The following HTR4 variants were observed in gnomAD, a reference collection of about 807,000 sequenced individuals.
HTR4 encodes the protein 5-hydroxytryptamine receptor 4, also known as 5-hydroxytryptamine (serotonin) receptor 4, G protein-coupled.
Under a neutral mutation model 36.8 loss-of-function variants are expected in HTR4, and 16 were observed. That is an observed-to-expected ratio of 0.43 (90% CI 0.29 to 0.66). The LOEUF (loss-of-function observed/expected upper bound fraction) is 0.66, where lower values mean the gene tolerates loss of function less well. Ranked by LOEUF, HTR4 falls within the 30% of genes least tolerant of loss-of-function variation. HTR4 has a pLI of 0.13. For synonymous variants in HTR4, 189 were observed against 185.1 expected (o/e 1.02, Z -0.17); for missense variants, 438 against 490.9 (o/e 0.89, Z 1.02).
At chr5:148,578,159 A>T (rs567654527) in intron 2 of HTR4, among the ~76,000 whole-genome samples, 10 of 151,978 alleles carry the variant, frequency 6.6e-5, no homozygotes, top group Non-Finnish European at 1.3e-4. Context: ...GGAGACAATT[A>T]CCTCTGTGAG....
chr5:148,614,144 C>T (rs1408292781), intron 2 of HTR4, among the ~76,000 whole-genome samples: 1 of 152,192 alleles, frequency 6.6e-6, no homozygotes, highest in Non-Finnish European at 1.5e-5. Flanking sequence ...CCCCATCAAG[C>T]TACCAATGCC....
intron 6 of HTR4, among the ~76,000 whole-genome samples, chr5:148,499,951 G>C (rs756033785): frequency 7.9e-5 from 12 of 152,042 alleles, no homozygotes; most frequent in Non-Finnish European, 1.5e-4. Flanking sequence ...ATGAGTAAAA[G>C]CTTCCTGAGG....
chr5:148,628,716 C>T (rs1024166101), intron 2 of HTR4: 11 of 152,110 alleles, frequency 7.2e-5, no homozygotes, highest in African/African-American at 2.4e-4. Flanking sequence ...ATATTTATTT[C>T]TTTATTTACA....
intron 6 of HTR4, among the ~76,000 whole-genome samples, chr5:148,492,593 C>T (rs952656602): frequency 6.6e-6 from 1 of 152,166 alleles, no homozygotes; most frequent in African/African-American, 2.4e-5. Context: ...ATGAATGATG[C>T]TATGCAAATA....
chr5:148,551,906 C>T (rs1285453415), intron 2 of HTR4, among the ~76,000 whole-genome samples: 5 of 152,166 alleles, frequency 3.3e-5, no homozygotes, highest in African/African-American at 4.8e-5. Context: ...TATGGGAAAA[C>T]CAGGGCCCAG....
Position 148,509,526 on chromosome 5 carries a change from T to G in HTR4, c.1006A>C (p.Arg336=). 3.1e-6 allele frequency: 5 copies of G among 1,614,028 alleles called. No individual in the cohort carries two copies. The highest frequency in any genetic ancestry group is 4.2e-6 in the Non-Finnish European group (5 of 1,179,968). ...ILCCDDERYR[R]PSILGQTVPC... is the part of the protein sequence containing the mutation. ...ACAGTCTGGCCCAGAATGGAAGGTC[T>G]TCGGTAGCGCTCATCATCACAGCAG... The change falls in exon 6 of 7, where the codon AGA becomes CGA. Residue 336 remains arginine (R), a synonymous_variant. Coordinates refer to ENST00000377888, the MANE Select transcript of HTR4 (RefSeq NM_000870.7).
chr5:148,518,315 T>C (rs1757857023), intron 5 of HTR4, among the ~76,000 whole-genome samples: 1 of 152,154 alleles, frequency 6.6e-6, no homozygotes, highest in Non-Finnish European at 1.5e-5. Context: ...AGGATGTGGG[T>C]CATTGTCTAT....
At chr5:148,509,130 T>C (rs966592377) in intron 6 of HTR4, among the ~76,000 whole-genome samples, 9 of 152,228 alleles carry the variant, frequency 5.9e-5, no homozygotes, top group Non-Finnish European at 1.3e-4. Flanking sequence ...ACTAGCTAAT[T>C]TGATTCTCAT....
At chr5:148,503,347 T>A (rs1561581952) in intron 6 of HTR4, among the ~76,000 whole-genome samples, 1 of 152,134 alleles carries the variant, frequency 6.6e-6, no homozygotes. Context: ...TCAACATTCT[T>A]AGAGAAAAGA....
chr5:148,509,791 G>T lies in HTR4; in HGVS notation c.741C>A (p.Ser247Arg), dbSNP rs199581985. The change falls in exon 6 of 7, where the codon AGC becomes AGA. Residue 247 changes from serine to arginine, a missense_variant. By Grantham distance (110) the Ser-to-Arg change is moderately radical. Coordinates refer to ENST00000377888, the MANE Select transcript of HTR4 (RefSeq NM_000870.7). Reference sequence around the variant, plus strand: ...TGGTCTCTGTCCTCATGCGATGAGTGCTATGCTGGTCTGCCGACTGAGGCC... The same window carrying T: ...TGGTCTCTGTCCTCATGCGATGAGTTCTATGCTGGTCTGCCGACTGAGGCC... ...ESRPQSADQH[S>R]THRMRTETKA... 3.1e-6 allele frequency: 5 copies of T among 1,613,910 alleles called. No individual in the cohort carries two copies. The highest frequency in any genetic ancestry group is 1.3e-5 in the African/African-American group (1 of 74,898).
At chr5:148,575,904 A>T (rs945495669) in intron 2 of HTR4, among the ~76,000 whole-genome samples, 2 of 151,902 alleles carry the variant, frequency 1.3e-5, no homozygotes, top group African/African-American at 4.8e-5. Flanking sequence ...CAAGACAAAG[A>T]AATAAAGAAC....
chr5:148,489,945 G>A (rs1467476183), intron 6 of HTR4, among the ~76,000 whole-genome samples: 7 of 151,978 alleles, frequency 4.6e-5, no homozygotes, highest in South Asian at 2.1e-4. Context: ...TGATAAACAC[G>A]AAGCAGCTTC....
At chr5:148,630,583 G>C (rs1001923996) in intron 2 of HTR4, among the ~76,000 whole-genome samples, 9 of 152,194 alleles carry the variant, frequency 5.9e-5, no homozygotes, top group African/African-American at 1.9e-4. Context: ...TTTAATAACT[G>C]ATCATTAAGG....
intron 2 of HTR4, among the ~76,000 whole-genome samples, chr5:148,595,622 T>C (rs1274109279): frequency 6.6e-6 from 1 of 152,188 alleles, no homozygotes; most frequent in Admixed American, 6.5e-5. Context: ...TTTTAATTTA[T>C]ATATTATATT....
At chr5:148,506,647 A>G (rs1447419307) in intron 6 of HTR4, among the ~76,000 whole-genome samples, 1 of 152,226 alleles carries the variant, frequency 6.6e-6, no homozygotes, top group African/African-American at 2.4e-5. Context: ...TAATATCCAG[A>G]ATCTACAAAG....
At chr5:148,643,107 G>A (rs1033874893) in intron 1 of HTR4, among the ~76,000 whole-genome samples, 3 of 152,000 alleles carry the variant, frequency 2.0e-5, no homozygotes, top group Non-Finnish European at 2.9e-5. Context: ...TATCCAATAC[G>A]GACGCCAATT....
At chr5:148,520,916 A>T in intron 5 of HTR4, 1 of 1,367,804 alleles carries the variant, frequency 7.3e-7, no homozygotes, top group Non-Finnish European at 9.8e-7. Context: ...ACTTGTTCTG[A>T]CATACCGCAT....
intron 2 of HTR4, among the ~76,000 whole-genome samples, chr5:148,621,342 C>T (rs894429448): frequency 6.6e-6 from 1 of 152,186 alleles, no homozygotes; most frequent in Admixed American, 6.5e-5. Flanking sequence ...CGCCAACCAG[C>T]ACAATTGGAT....
intron 2 of HTR4, chr5:148,630,429 G>T (rs977151739): frequency 6.6e-6 from 1 of 152,064 alleles, no homozygotes; most frequent in Admixed American, 6.5e-5. Flanking sequence ...AAGAGAAAAT[G>T]GTGCTAAATA....
Sources: allele counts gnomAD v4.1 joint callset (sites outside exome capture counted in the v4.1 genomes callset), GRCh38; gene constraint gnomAD v4.1.1; transcripts MANE v1.5; gene names NCBI Gene and HGNC (gene_info 2026-07-23, HGNC 2026-07-21).